GSE1: variants seen among roughly 807,000 people sequenced by gnomAD.
GSE1 encodes the protein genetic suppressor element 1.
GSE1 carries 32 observed loss-of-function variants against 112.6 expected under a neutral mutation model. The ratio of observed to expected loss-of-function variants is 0.28; its 90% CI spans 0.21 to 0.38. The LOEUF is 0.38. Among genes scored for constraint, GSE1 ranks in the 10% least tolerant of loss-of-function variants. The pLI, the probability that GSE1 is intolerant of heterozygous loss-of-function variation, is 1.00. For synonymous variants in GSE1, 1,115 were observed against 735.6 expected, an observed-to-expected ratio of 1.52 and a Z score of -8.35; for missense variants, 2,348 against 1,699.2, an observed-to-expected ratio of 1.38 and a Z score of -6.71.
intron 1 of GSE1, among the ~76,000 whole-genome samples, chr16:85,632,705 A>G (rs960993296): frequency 6.6e-6 from 1 of 151,750 alleles, no homozygotes; most frequent in Non-Finnish European, 1.5e-5. Context: ...TAGGAAGTGC[A>G]CAGTCCGCCC....
chr16:85,272,656 AGTGCTGGGGGCTTG>A (rs139304011), intron 1 of GSE1, among the ~76,000 whole-genome samples: 8,328 of 152,134 alleles, frequency 0.055, 252 homozygotes, highest in Middle Eastern at 0.068. Flanking sequence ...AGCCCCTGGC[AGTGCTGGGGGCTTG>A]GTGAGGGGAC....
chr16:85,507,679 A>T (rs1018215704), intron 2 of GSE1, among the ~76,000 whole-genome samples: 6 of 151,948 alleles, frequency 3.9e-5, no homozygotes, highest in Admixed American at 3.3e-4. Flanking sequence ...TCTTATGGGG[A>T]CACCAGTCCT....
rs1289593034 is a variant in GSE1, at chr16:85,672,880, C to T, written c.*341C>T. On this transcript the variant is annotated 3_prime_UTR_variant, in exon 16 of 16. Transcript: ENST00000253458. Reference sequence around the variant, plus strand: ...ACTTGATCATTAACAGCCCCCTGTGCATATGAGTGGATCAAACCGGTTCTG... The same window carrying T: ...ACTTGATCATTAACAGCCCCCTGTGTATATGAGTGGATCAAACCGGTTCTG... 2 of 173,392 alleles carry T rather than the reference C, an allele frequency of 1.2e-5. No individual in the cohort carries two copies. The highest frequency in any genetic ancestry group is 2.4e-5 in the African/African-American group (1 of 42,166). 10.7% of individuals were successfully genotyped at this position (173,392 alleles called of 1,614,324 possible). A position where few individuals can be genotyped will look rare whatever the true frequency, so the allele number is the denominator to read the frequency against.
Position 85,419,759 on chromosome 16 carries a change from G to A in GSE1, c.2464+62116G>A, listed in dbSNP as rs1450435852. On this transcript the variant is annotated intron_variant, in intron 2 of 2. Transcript: ENST00000637419. This position sits in a 1 kb window ranked among gnomAD's most constrained non-coding sequence, Gnocchi z 6.5. Reference sequence around the variant, plus strand: ...AACCCCTCTGATGCCTGCCTCCCCCGCCCCGCCCCCACCCCTCCAAGACTC... The same window carrying A: ...AACCCCTCTGATGCCTGCCTCCCCCACCCCGCCCCCACCCCTCCAAGACTC... 6.4e-5 allele frequency among the ~76,000 whole-genome samples: 9 copies of A among 139,874 alleles called. No homozygotes were observed. Among genetic ancestry groups the A allele is most frequent in the Non-Finnish European group, 1.1e-4 (7 of 64,072 alleles). The allele number at this position is 139,874 out of a possible 152,430, so 91.8% of individuals were successfully genotyped here. A position where few individuals can be genotyped will look rare whatever the true frequency, so the allele number is the denominator to read the frequency against.
intron 1 of GSE1, among the ~76,000 whole-genome samples, chr16:85,219,126 C>T (rs1270068180): frequency 6.6e-6 from 1 of 152,180 alleles, no homozygotes; most frequent in Non-Finnish European, 1.5e-5. Flanking sequence ...GATCCGCCCA[C>T]CTCAGCTTCC....
At chr16:85,414,212 G>T (rs1258180776) in intron 2 of GSE1, among the ~76,000 whole-genome samples, 2 of 152,216 alleles carry the variant, frequency 1.3e-5, no homozygotes, top group African/African-American at 2.4e-5. Flanking sequence ...CACAGAGCAG[G>T]GAGGGGGCAT....
chr16:85,534,892 T>C lies in GSE1; in HGVS notation c.2465-99022T>C, dbSNP rs373343389. Among the ~76,000 whole-genome samples, 4 of 152,336 alleles carry C rather than the reference T, an allele frequency of 2.6e-5. 1 individual carries two copies. The South Asian group carries it at 8.3e-4, about 32-fold the overall frequency. On this transcript the variant is annotated intron_variant, in intron 2 of 2. Coordinates refer to the GSE1 transcript ENST00000637419. ...GATTTAGCGATTTGTTGGTCCAGTC[T>C]TTTGCTTTGGGACAGATGCTTGGGT...
chr16:85,478,723 A>C (rs1018438236), intron 2 of GSE1, among the ~76,000 whole-genome samples: 1 of 149,394 alleles, frequency 6.7e-6, no homozygotes, highest in Non-Finnish European at 1.5e-5. Flanking sequence ...GCTGGAGTGC[A>C]GTGGCTCCAT....
chr16:85,294,116 C>G (rs1021150354), intron 1 of GSE1, among the ~76,000 whole-genome samples: 2 of 152,218 alleles, frequency 1.3e-5, no homozygotes, highest in Non-Finnish European at 2.9e-5. Flanking sequence ...CCCGCAACAG[C>G]CAAGCCAGGT....
intron 2 of GSE1, among the ~76,000 whole-genome samples, chr16:85,378,786 C>A (rs1218732465): frequency 6.6e-6 from 1 of 152,164 alleles, no homozygotes; most frequent in Non-Finnish European, 1.5e-5. Context: ...GTCCCCTCCC[C>A]ACCTTCGTCC....
intron 13 of GSE1, 133 bp from the exon 14 acceptor site, chr16:85,668,007 C>G (rs147212195): frequency 7.2e-6 from 5 of 692,252 alleles, no homozygotes; most frequent in Non-Finnish European, 1.2e-5. Context: ...CCTCTCTACG[C>G]GATGTCATCT....
At position 85,657,578 on chromosome 16, in the gene GSE1, A is replaced by G; in HGVS notation, c.1614A>G (p.Ala538=). The part of the protein sequence containing the change: ...DMGRPPVPAE[A]EHRPESTTRP... Reference sequence around the variant, plus strand: ...GCCGGCCCCCGGTGCCGGCGGAGGCAGAGCACAGGCCGGAGAGCACCACCA... The same window carrying G: ...GCCGGCCCCCGGTGCCGGCGGAGGCGGAGCACAGGCCGGAGAGCACCACCA... The change falls in exon 8 of 16, where the codon GCA becomes GCG. Residue 538 remains alanine, a synonymous_variant. Coordinates refer to ENST00000253458, the MANE Select transcript of GSE1 (RefSeq NM_014615.5). The G allele has an allele frequency of 6.4e-7, 1 of 1,564,446 alleles. No individual in the cohort carries two copies.
chr16:85,528,842 G>A (rs1033601362), intron 2 of GSE1, among the ~76,000 whole-genome samples: 5 of 152,254 alleles, frequency 3.3e-5, no homozygotes, highest in Admixed American at 1.3e-4. Flanking sequence ...TGGCTGCCTC[G>A]TGGAGGAGGT....
intron 2 of GSE1, among the ~76,000 whole-genome samples, chr16:85,368,830 G>A (rs2047237917): frequency 6.6e-6 from 1 of 152,138 alleles, no homozygotes; most frequent in African/African-American, 2.4e-5. Context: ...TGGGGTCAAG[G>A]GCACTTCAAG....
intron 1 of GSE1, among the ~76,000 whole-genome samples, chr16:85,245,809 T>C (rs1341814862): frequency 1.3e-5 from 2 of 152,060 alleles, no homozygotes; most frequent in Non-Finnish European, 2.9e-5. Context: ...GGACATGGAC[T>C]CTAGGTGGCA....
chr16:85,329,378 C>T (rs11647113), intron 1 of GSE1, among the ~76,000 whole-genome samples: 96,508 of 151,884 alleles, frequency 0.64, 30,860 homozygotes, highest in Middle Eastern at 0.72. Flanking sequence ...AGACATAGGG[C>T]GGGTGTGAGT....
chr16:85,288,358 A>T (rs2045103716), intron 1 of GSE1, among the ~76,000 whole-genome samples: 1 of 152,168 alleles, frequency 6.6e-6, no homozygotes, highest in Non-Finnish European at 1.5e-5. Context: ...AGCTGGAGGA[A>T]CTCGTAGGAC....
chr16:85,292,445 C>G (rs1304098051), intron 1 of GSE1, among the ~76,000 whole-genome samples: 1 of 152,000 alleles, frequency 6.6e-6, no homozygotes, highest in African/African-American at 2.4e-5. Context: ...TCTCCTGCCT[C>G]AGCCTCCCGA....
At chr16:85,486,620 GCCTGCCCTGGTCCCCAGCCTCGTCCCACT>G (rs1263615600) in intron 2 of GSE1, among the ~76,000 whole-genome samples, 3 of 152,192 alleles carry the variant, frequency 2.0e-5, no homozygotes, top group African/African-American at 7.2e-5. Flanking sequence ...TCCCTGAGAG[GCCTGCCCTGGTCCCCAGCCTCGTCCCACT>G]CCTGCCCTGG....
Sources: gnomAD v4.1 joint callset for allele counts (sites outside exome capture counted in the v4.1 genomes callset) on GRCh38, gnomAD v4.1.1 for gene constraint, Gnocchi (gnomAD v3.1) non-coding constraint, MANE v1.5 for transcripts, NCBI Gene and HGNC (gene_info 2026-07-23, HGNC 2026-07-21) for gene names.